CNTN1: variants seen among roughly 807,000 people sequenced by gnomAD.
CNTN1 encodes the protein contactin 1.
Under a neutral mutation model 126.4 loss-of-function variants are expected in CNTN1, and 38 were observed. That is an observed-to-expected ratio of 0.30 (90% CI 0.23 to 0.39). CNTN1 has a LOEUF of 0.39. Ranked by LOEUF, CNTN1 falls within the 10% of genes least tolerant of loss-of-function variation. CNTN1 has a pLI of 1.00. For missense variants in CNTN1, 1,009 were observed against 1,248.4 expected, an observed-to-expected ratio of 0.81 and a Z score of 2.89; for synonymous variants, 413 against 422.6, an observed-to-expected ratio of 0.98 and a Z score of 0.28.
chr12:40,902,368 T>C (rs1307968192), intron 1 of CNTN1, among the ~76,000 whole-genome samples: 1 of 152,016 alleles, frequency 6.6e-6, no homozygotes, highest in Non-Finnish European at 1.5e-5. Flanking sequence ...AATTGTAGAG[T>C]AGGAGATATT....
intron 1 of CNTN1, among the ~76,000 whole-genome samples, chr12:40,797,087 A>G (rs1328509153): frequency 6.6e-6 from 1 of 152,092 alleles, no homozygotes; most frequent in African/African-American, 2.4e-5. Context: ...GCATTCACCT[A>G]TTGATTCAAA....
At position 40,788,565 on chromosome 12, in the gene CNTN1, G is replaced by C. The variant is rs188328459; in HGVS notation, c.-77+95973G>C. On this transcript the variant is annotated intron_variant, in intron 1 of 23. Coordinates refer to ENST00000551295, the MANE Select transcript of CNTN1 (RefSeq NM_001843.4). ...AACAGAAAGACTTCAAAGAGGTTCC[G>C]GTAGCATTAAAATCACAAAAGGATC... Among the ~76,000 whole-genome samples the C allele has an allele frequency of 1.7e-3, 256 of 152,086 alleles. 3 individuals carry two copies. Among genetic ancestry groups the C allele is most frequent in the Non-Finnish European group, 3.2e-4 (22 of 67,966 alleles).
In CNTN1 at chr12:40,923,879, T is replaced by A. The variant is rs1431321637; in HGVS notation, c.401-678T>A. On this transcript the variant is annotated intron_variant, in intron 5 of 23. Coordinates refer to ENST00000551295, the MANE Select transcript of CNTN1 (RefSeq NM_001843.4). Reference sequence around the variant, plus strand: ...GAAAAGTAACAATTCAATGTTATAATTTGGGTGCCGATCACAGGTTAGGAA... The same window carrying A: ...GAAAAGTAACAATTCAATGTTATAAATTGGGTGCCGATCACAGGTTAGGAA... Among the ~76,000 whole-genome samples the A allele has an allele frequency of 2.6e-5, 4 of 152,098 alleles. No individual in the cohort carries two copies. The East Asian group carries it at 7.7e-4, about 29-fold the overall frequency.
At chr12:41,061,770 T>G (rs1949943351) in intron 23 of CNTN1, 1 of 455,648 alleles carries the variant, frequency 2.2e-6, no homozygotes. Context: ...AGAAGGAAAA[T>G]CCACATCCTT....
chr12:40,768,608 C>T (rs1592065902), intron 1 of CNTN1, among the ~76,000 whole-genome samples: 1 of 152,190 alleles, frequency 6.6e-6, no homozygotes, highest in Non-Finnish European at 1.5e-5. Flanking sequence ...GGCTGATCAC[C>T]GTGTTCCATG....
chr12:40,933,265 T>C (rs1291897143), intron 7 of CNTN1, among the ~76,000 whole-genome samples, 196 bp from the exon 8 acceptor site: 1 of 151,930 alleles, frequency 6.6e-6, no homozygotes, highest in Non-Finnish European at 1.5e-5. Flanking sequence ...GCCAATATTA[T>C]TGAAAATACT....
intron 1 of CNTN1, among the ~76,000 whole-genome samples, chr12:40,886,959 T>C (rs1385308946): frequency 6.6e-6 from 1 of 152,202 alleles, no homozygotes; most frequent in Non-Finnish European, 1.5e-5. Flanking sequence ...CATGCTGTTT[T>C]GGTTACTGTA....
chr12:40,756,734 C>T (rs568544573), intron 1 of CNTN1, among the ~76,000 whole-genome samples: 1 of 152,252 alleles, frequency 6.6e-6, no homozygotes, highest in South Asian at 2.1e-4. Context: ...CAAGAGGCTT[C>T]GCGTCATCAT....
At chr12:41,049,503 A>G (rs182937480) in intron 23 of CNTN1, among the ~76,000 whole-genome samples, 94 of 152,322 alleles carry the variant, frequency 6.2e-4, no homozygotes, top group Non-Finnish European at 1.0e-3. Context: ...TGGTTTTACC[A>G]CTAAAATAAA....
intron 1 of CNTN1, among the ~76,000 whole-genome samples, chr12:40,874,594 A>G (rs1009478668): frequency 6.6e-6 from 1 of 152,142 alleles, no homozygotes; most frequent in Admixed American, 6.6e-5. Flanking sequence ...TGACGCTTGC[A>G]AAATCCATCA....
At chr12:40,752,381 G>A (rs536863409) in intron 1 of CNTN1, among the ~76,000 whole-genome samples, 2 of 152,056 alleles carry the variant, frequency 1.3e-5, no homozygotes, top group Admixed American at 6.6e-5. Flanking sequence ...GGATTTTAAG[G>A]TTCTTTCCTT....
chr12:40,887,468 C>T (rs1050908658), intron 1 of CNTN1, among the ~76,000 whole-genome samples: 1 of 152,092 alleles, frequency 6.6e-6, no homozygotes, highest in Non-Finnish European at 1.5e-5. Context: ...AATGAGATAC[C>T]ATCTCACACC....
intron 17 of CNTN1, among the ~76,000 whole-genome samples, chr12:41,007,044 G>GTTTTT (rs1377932314): frequency 1.5e-4 from 19 of 123,442 alleles, no homozygotes; most frequent in African/African-American, 5.6e-4. Flanking sequence ...AGTTTTGTGT[G>GTTTTT]GTTTTTTTTT....
intron 12 of CNTN1, among the ~76,000 whole-genome samples, chr12:40,941,669 G>A (rs1017259107): frequency 6.6e-6 from 1 of 151,912 alleles, no homozygotes; most frequent in Non-Finnish European, 1.5e-5. Flanking sequence ...TTAGCTCTAA[G>A]GTCACTTTTA....
chr12:41,042,245 C>T (rs1229342057), intron 23 of CNTN1, among the ~76,000 whole-genome samples: 2 of 151,974 alleles, frequency 1.3e-5, no homozygotes, highest in East Asian at 1.9e-4. Flanking sequence ...TTTCTTAATC[C>T]TGAGTTCTAG....
chr12:40,827,239 A>C (rs1037394193), intron 1 of CNTN1, among the ~76,000 whole-genome samples: 1 of 151,988 alleles, frequency 6.6e-6, no homozygotes, highest in African/African-American at 2.4e-5. Context: ...TTCTAAGAGC[A>C]AGAGCTCTCA....
chr12:41,069,966 C>CA lies in CNTN1; in HGVS notation c.2989dup (p.Thr997AsnfsTer27). On this transcript the variant is annotated frameshift_variant, in exon 24 of 24. Transcript: ENST00000551295. LOFTEE classifies it high-confidence loss of function. ...TTTTGGTTTACCTTGCAGGTGCACC[C>CA]ACCCTATCCCCAAGTCTTCTCGGCT... 6.2e-7 allele frequency: 1 copy of CA among 1,613,830 alleles called. No homozygotes were observed. Among genetic ancestry groups the CA allele is most frequent in the Non-Finnish European group, 8.5e-7 (1 of 1,179,892 alleles).
chr12:40,870,168 C>CTT (rs1253510386), intron 1 of CNTN1, among the ~76,000 whole-genome samples: 27 of 146,740 alleles, frequency 1.8e-4, no homozygotes, highest in African/African-American at 6.0e-4. Flanking sequence ...CAATAAATCT[C>CTT]TTTTTTTTTT....
chr12:40,816,223 T>C (rs1384735233), intron 1 of CNTN1, among the ~76,000 whole-genome samples: 1 of 152,186 alleles, frequency 6.6e-6, no homozygotes. Context: ...TCAGAAGGAA[T>C]GGTACTAGCT....
Sources: allele counts gnomAD v4.1 joint callset (sites outside exome capture counted in the v4.1 genomes callset), GRCh38; gene constraint gnomAD v4.1.1; transcripts MANE v1.5; gene names NCBI Gene and HGNC (gene_info 2026-07-23, HGNC 2026-07-21).